Variants in MTIF2 observed in about 807,000 individuals in gnomAD.
MTIF2 encodes mitochondrial translational initiation factor 2.
A neutral mutation model predicts 83.5 loss-of-function variants in MTIF2; 71 were observed. That is an observed-to-expected ratio of 0.85 (90% CI 0.70 to 1.04). MTIF2 has a LOEUF of 1.04. MTIF2 is among the 50% of genes least tolerant of loss of function. The probability of loss-of-function intolerance (pLI) is 0.00; values close to 1 mark genes in which losing one functional copy is unlikely to be tolerated. For missense variants in MTIF2, 957 were observed against 846.5 expected, an observed-to-expected ratio of 1.13 and a Z score of -1.62; for synonymous variants, 319 against 287.1, an observed-to-expected ratio of 1.11 and a Z score of -1.12.
chr2:55,262,540 T>TC lies in MTIF2; in HGVS notation c.220-114dup, dbSNP rs1308159146. ...ATAGCTACATTTCTTTCTTTTTTTT[T>TC]CTTTTTTTTTTTTTTTTTTTGAGAC... On this transcript the variant is annotated intron_variant, in intron 4 of 15. Transcript: ENST00000263629. The TC allele has an allele frequency of 2.4e-3, 1,088 of 462,818 alleles. 15 individuals are homozygous for TC. In the African/African-American group the frequency reaches 0.025, roughly 11 times the overall value. 28.7% of individuals were successfully genotyped at this position (462,818 alleles called of 1,614,324 possible). A position where few individuals can be genotyped will look rare whatever the true frequency, so the allele number is the denominator to read the frequency against.
chr2:55,267,164 A>AT (rs1046769773), intron 3 of MTIF2, among the ~76,000 whole-genome samples: 120 of 148,356 alleles, frequency 8.1e-4, no homozygotes, highest in African/African-American at 2.3e-3. Context: ...AATATACTGA[A>AT]TTTTTTTTTT....
intron 10 of MTIF2, among the ~76,000 whole-genome samples, chr2:55,244,688 G>T (rs1213534798): frequency 2.0e-5 from 3 of 151,956 alleles, no homozygotes; most frequent in African/African-American, 7.3e-5. Flanking sequence ...GCCAAGGTGG[G>T]TGGATTGCTT....
At chr2:55,261,941 C>CAAAAAAAAAAAAAAAAAAA (rs5831348) in intron 5 of MTIF2, among the ~76,000 whole-genome samples, 2 of 87,168 alleles carry the variant, frequency 2.3e-5, no homozygotes, top group African/African-American at 3.9e-5. Context: ...AAAAAAAAAC[C>CAAAAAAAAAAAAAAAAAAA]AAAAAAAAAA....
At position 55,240,479 on chromosome 2, in the gene MTIF2, C is replaced by T. The variant is rs192858294; in HGVS notation, c.1706-304G>A. ...CTGTAATTCCAGCTACTCAGGAGGC[C>T]GAGACAGGAGAATCGCTTGAACCCG... On this transcript the variant is annotated intron_variant, in intron 13 of 15. Transcript: ENST00000263629. 3.3e-4 allele frequency among the ~76,000 whole-genome samples: 50 copies of T among 151,888 alleles called. 1 individual carries two copies. Among genetic ancestry groups the T allele is most frequent in the African/African-American group, 1.2e-3 (48 of 41,424 alleles).
In MTIF2 at chr2:55,252,578, C is replaced by A; in HGVS notation, c.740G>T (p.Arg247Ile). 1 of 1,614,116 alleles carries A rather than the reference C, an allele frequency of 6.2e-7. No homozygotes were observed. The highest frequency in any genetic ancestry group is 8.5e-7 in the Non-Finnish European group (1 of 1,179,942). Residue 247 changes from arginine (R) to isoleucine (I), a missense_variant, in exon 8 of 16, where the codon AGA becomes ATA. Physicochemically the swap from Arg to Ile is moderately conservative, Grantham distance 97. This residue lies in a region of MTIF2 where 733 missense variants were observed against 648.7 expected (regional missense o/e 1.13). Coordinates refer to ENST00000263629, the MANE Select transcript of MTIF2 (RefSeq NM_002453.3). ...GACAATGTCAGTGACCTGAGCACCT[C>A]TGGCTCTCATTGCTGAGAAAGCAGC... is the stretch of plus-strand genomic sequence containing the variant. Reference protein sequence around the residue: ...GHAAFSAMRARGAQVTDIVVL... With the variant: ...GHAAFSAMRAIGAQVTDIVVL...
rs779733454 is a variant in MTIF2, at chr2:55,252,504, A to G, written c.814T>C (p.Ser272Pro). 3 of 1,614,190 alleles carry G rather than the reference A, an allele frequency of 1.9e-6. No individual in the cohort carries two copies. In the Admixed American group the frequency reaches 5.0e-5, roughly 27 times the overall value. Reference protein sequence around the residue: ...DDGVMKQTVESIQHAKDAQVP... With the variant: ...DDGVMKQTVEPIQHAKDAQVP... ...TGTGCATCTTTGGCATGCTGAATAGATTCTACAGTTTGTTTCATCACTCCA... is the reference window on the plus strand; with the variant it reads ...TGTGCATCTTTGGCATGCTGAATAGGTTCTACAGTTTGTTTCATCACTCCA... Residue 272 changes from serine to proline, a missense_variant, in exon 8 of 16, where the codon TCT becomes CCT. Coordinates refer to ENST00000263629, the MANE Select transcript of MTIF2 (RefSeq NM_002453.3).
intron 3 of MTIF2, among the ~76,000 whole-genome samples, chr2:55,266,704 T>C (rs994420876): frequency 6.7e-6 from 1 of 149,300 alleles, no homozygotes; most frequent in Non-Finnish European, 1.5e-5. Context: ...CCAAAGAAAT[T>C]AAGGCTCTGG....
In MTIF2 at chr2:55,244,226, T is replaced by C. The variant is rs148814966; in HGVS notation, c.1114A>G (p.Thr372Ala). 1.2e-5 allele frequency: 19 copies of C among 1,607,994 alleles called. No homozygotes were observed. In the African/African-American group the frequency reaches 2.4e-4, roughly 20 times the overall value. ...GTTCCTCTTTGAATTATAGCTGTAG[T>C]AACAAGACTAAAATGAAAATAAAAG... is the stretch of plus-strand genomic sequence containing the variant. ...SFTDKGRGLV[T>A]TAIIQRGTLR... The change falls in exon 11 of 16, where the codon ACT becomes GCT. Residue 372 changes from threonine (T) to alanine (A), a missense_variant. Physicochemically the swap from Thr to Ala is moderately conservative, Grantham distance 58. This residue lies in a region of MTIF2 where 733 missense variants were observed against 648.7 expected (regional missense o/e 1.13). Transcript: ENST00000263629.
intron 5 of MTIF2, among the ~76,000 whole-genome samples, chr2:55,260,887 G>A (rs901264757): frequency 6.6e-6 from 1 of 151,918 alleles, no homozygotes; most frequent in African/African-American, 2.4e-5. Flanking sequence ...TCCTAAATTG[G>A]TAATAAGCAC....
In MTIF2 at chr2:55,240,062, G is replaced by A; in HGVS notation, c.1819C>T (p.Gln607Ter). ...KIIYRLVEDL[Q>*]EELSSRLPCA... Reference sequence around the variant, plus strand: ...GGTAATCTGCTGCTCAGTTCCTCTTGCAAATCTTCAACAAGACGGTAAATT... The same window carrying A: ...GGTAATCTGCTGCTCAGTTCCTCTTACAAATCTTCAACAAGACGGTAAATT... The change falls in exon 14 of 16, where the codon CAA becomes TAA. Residue 607 changes from glutamine (Q) to a stop codon, truncating the protein, a stop_gained. Coordinates refer to ENST00000263629, the MANE Select transcript of MTIF2 (RefSeq NM_002453.3). LOFTEE classifies it high-confidence loss of function. 1 of 1,613,456 alleles carries A rather than the reference G, an allele frequency of 6.2e-7. No individual in the cohort carries two copies. The highest frequency in any genetic ancestry group is 8.5e-7 in the Non-Finnish European group (1 of 1,179,984).
At chr2:55,237,649 C>CTTTTTTTTTTTTTTTTTT (rs536036933) in intron 14 of MTIF2, among the ~76,000 whole-genome samples, 5 of 112,990 alleles carry the variant, frequency 4.4e-5, no homozygotes, top group South Asian at 2.8e-4. Context: ...TTCTTTTTTT[C>CTTTTTTTTTTTTTTTTTT]TTTTTTTTTT....
intron 5 of MTIF2, among the ~76,000 whole-genome samples, chr2:55,256,310 A>G (rs1228956515): frequency 6.7e-6 from 1 of 148,174 alleles, no homozygotes; most frequent in Non-Finnish European, 1.5e-5. Flanking sequence ...ATACACACAC[A>G]CACACACACA....
chr2:55,252,455 C>A, intron 8 of MTIF2, 22 bp downstream of exon 8: 1 of 1,605,158 alleles, frequency 6.2e-7, no homozygotes, highest in Non-Finnish European at 8.5e-7. Flanking sequence ...GTAGTAGATC[C>A]ATTAAGTCAG....
At chr2:55,249,581 T>A (rs1476132897) in intron 8 of MTIF2, 47 bp from the exon 9 acceptor site, 1 of 1,597,430 alleles carries the variant, frequency 6.3e-7, no homozygotes, top group Admixed American at 1.7e-5. Flanking sequence ...ACACCTTCAA[T>A]TCCAGGTATT....
At chr2:55,265,150 G>A (rs1361232089) in intron 3 of MTIF2, among the ~76,000 whole-genome samples, 2 of 151,600 alleles carry the variant, frequency 1.3e-5, no homozygotes, top group South Asian at 2.1e-4. Flanking sequence ...GGCTGAGGCA[G>A]GAGAATCACT....
intron 14 of MTIF2, among the ~76,000 whole-genome samples, chr2:55,239,499 A>T (rs1676141045): frequency 6.6e-6 from 1 of 152,188 alleles, no homozygotes; most frequent in South Asian, 2.1e-4. Flanking sequence ...TTAAAAGTTA[A>T]TAAAAAAACA....
Position 55,254,050 on chromosome 2 carries a change from C to A in MTIF2, c.655G>T (p.Ala219Ser), listed in dbSNP as rs992505499. 3 of 1,613,908 alleles carry A rather than the reference C, an allele frequency of 1.9e-6. No homozygotes were observed. Among genetic ancestry groups the A allele is most frequent in the Non-Finnish European group, 2.5e-6 (3 of 1,179,934 alleles). Residue 219 changes from alanine (A) to serine (S), a missense_variant, in exon 7 of 16, where the codon GCC becomes TCC. Ala to Ser is a moderately conservative substitution (Grantham distance 99, BLOSUM62 1). Coordinates refer to ENST00000263629, the MANE Select transcript of MTIF2 (RefSeq NM_002453.3). ...ETGGITQHIG[A>S]FLVSLPSGEK... ...TAATTTGTGTTCATACCAAGAAAGG[C>A]ACCAATGTGCTGAGTGATGCCTCCA...
At chr2:55,258,467 G>A (rs568514664) in intron 5 of MTIF2, among the ~76,000 whole-genome samples, 35 of 152,192 alleles carry the variant, frequency 2.3e-4, no homozygotes, top group African/African-American at 7.5e-4. Context: ...TCAGGAGTTC[G>A]AGACCAGCCT....
Position 55,263,918 on chromosome 2 carries a change from T to G in MTIF2, c.-7-53A>C, listed in dbSNP as rs921906149. The G allele has an allele frequency of 3.7e-6, 5 of 1,361,924 alleles. No individual in the cohort carries two copies. In the South Asian group the frequency reaches 6.0e-5, roughly 16 times the overall value. 84.4% of individuals were successfully genotyped at this position (1,361,924 alleles called of 1,614,324 possible). A position where few individuals can be genotyped will look rare whatever the true frequency, so the allele number is the denominator to read the frequency against. ...AATATTCAAATCAAGTTAGCAAATA[T>G]TAATTGGATATTTACTATATGCATA... On this transcript the variant is annotated intron_variant, in intron 3 of 15. Coordinates refer to ENST00000263629, the MANE Select transcript of MTIF2 (RefSeq NM_002453.3).
Sources: allele counts gnomAD v4.1 joint callset (sites outside exome capture counted in the v4.1 genomes callset), GRCh38; gene constraint gnomAD v4.1.1; regional missense constraint gnomAD v4.1.1; transcripts MANE v1.5; gene names NCBI Gene and HGNC (gene_info 2026-07-23, HGNC 2026-07-21).